The following CACNA1E variants were observed in gnomAD, a reference collection of about 807,000 sequenced individuals.
CACNA1E encodes the protein voltage-dependent R-type calcium channel subunit alpha-1E.
Under a neutral mutation model 259.2 loss-of-function variants are expected in CACNA1E, and 40 were observed. The observed-to-expected ratio is 0.15, with a 90% CI of 0.12 to 0.20. The LOEUF is 0.20. CACNA1E is among the 10% of genes least tolerant of loss of function. The pLI, the probability that CACNA1E is intolerant of heterozygous loss-of-function variation, is 1.00. For missense variants in CACNA1E, 1,874 were observed against 3,040.1 expected (o/e 0.62, Z 9.02); for synonymous variants, 1,104 against 1,138.5 (o/e 0.97, Z 0.61).
chr1:181,466,547 T>TAAACA (rs1553255429), intron 2 of CACNA1E, among the ~76,000 whole-genome samples: 91,179 of 151,004 alleles, frequency 0.6, 28,761 homozygotes, highest in East Asian at 0.83. Context: ...GACTCTGTCT[T>TAAACA]AAACAAAACA....
intron 6 of CACNA1E, among the ~76,000 whole-genome samples, chr1:181,583,470 G>A (rs1651759088): frequency 6.6e-6 from 1 of 152,140 alleles, no homozygotes; most frequent in South Asian, 2.1e-4. Flanking sequence ...ATTTATTGTT[G>A]TTAGTTACAT....
intron 1 of CACNA1E, among the ~76,000 whole-genome samples, chr1:181,326,987 G>A (rs568716110): frequency 6.6e-6 from 1 of 152,070 alleles, no homozygotes; most frequent in African/African-American, 2.4e-5. Context: ...ATCCCTTTGG[G>A]CTGTCCTGGG....
rs1662480981 is a variant in CACNA1E, at chr1:181,804,280, C to T, written c.*5446C>T. On this transcript the variant is annotated 3_prime_UTR_variant, in exon 48 of 48. Transcript: ENST00000367573. ...TCTGTTTCTCTTTAGGAAGTGATTG[C>T]CATCAAATTTAGTGATATGATATTT... The T allele has an allele frequency of 6.6e-6, 1 of 152,094 alleles. No homozygotes were observed. The highest frequency in any genetic ancestry group is 1.5e-5 in the Non-Finnish European group (1 of 68,020). 9.4% of individuals were successfully genotyped at this position (152,094 alleles called of 1,614,324 possible).
Position 181,717,247 on chromosome 1 carries a change from T to C in CACNA1E, c.1470T>C (p.Thr490=). The change falls in exon 11 of 48, where the codon ACT becomes ACC. Residue 490 remains threonine, a synonymous_variant. Coordinates refer to ENST00000367573, the MANE Select transcript of CACNA1E (RefSeq NM_001205293.3). ...WIVLSLVALN[T]ACVAIVHHNQ... ...TGCTGAGCCTTGTGGCACTCAACAC[T>C]GCCTGTGTGGCCATTGTCCATCACA... 4 of 1,613,994 alleles carry C rather than the reference T, an allele frequency of 2.5e-6. No individual in the cohort carries two copies. Among genetic ancestry groups the C allele is most frequent in the Non-Finnish European group, 3.4e-6 (4 of 1,179,898 alleles).
chr1:181,612,239 G>A (rs1389173991), intron 6 of CACNA1E, among the ~76,000 whole-genome samples: 2 of 152,262 alleles, frequency 1.3e-5, no homozygotes, highest in African/African-American at 2.4e-5. Flanking sequence ...TCTCTCTGGA[G>A]GGGAGCAGGC....
At position 181,796,806 on chromosome 1, in the gene CACNA1E, G is replaced by A. The variant is rs372520364; in HGVS notation, c.6347G>A (p.Arg2116His). Residue 2116 changes from arginine (R) to histidine (H), a missense_variant, in exon 47 of 48, where the codon CGC becomes CAC. By Grantham distance (29) the Arg-to-His change is conservative. Coordinates refer to ENST00000367573, the MANE Select transcript of CACNA1E (RefSeq NM_001205293.3). ...GTQADWESPERRQSRSPSEGR... is the reference protein window; with the variant it reads ...GTQADWESPEHRQSRSPSEGR... ...CAGGCTGACTGGGAGTCCCCAGAGCGCCGTCAATCCAGGTCACCCAGTGAG... is the reference window on the plus strand; with the variant it reads ...CAGGCTGACTGGGAGTCCCCAGAGCACCGTCAATCCAGGTCACCCAGTGAG... 701 of 1,610,132 alleles carry A rather than the reference G, an allele frequency of 4.4e-4. 4 individuals carry two copies. In the South Asian group the frequency reaches 6.8e-3, roughly 16 times the overall value.
intron 37 of CACNA1E, among the ~76,000 whole-genome samples, chr1:181,775,848 A>G (rs1009261774): frequency 3.3e-5 from 5 of 152,084 alleles, no homozygotes; most frequent in Non-Finnish European, 5.9e-5. Flanking sequence ...AGCCTAAAAT[A>G]TTTGCTATCT....
chr1:181,378,837 T>G (rs1655273381), intron 1 of CACNA1E, among the ~76,000 whole-genome samples: 1 of 152,102 alleles, frequency 6.6e-6, no homozygotes, highest in Non-Finnish European at 1.5e-5. Flanking sequence ...AAAACAAAAT[T>G]TAAAAACAAG....
At chr1:181,414,744 A>G (rs562082408) in intron 2 of CACNA1E, among the ~76,000 whole-genome samples, 1 of 152,378 alleles carries the variant, frequency 6.6e-6, no homozygotes, top group South Asian at 2.1e-4. Context: ...GGCACAGAGA[A>G]GTTAAGTGAC....
chr1:181,429,166 A>G (rs1314436760), intron 2 of CACNA1E, among the ~76,000 whole-genome samples: 1 of 152,178 alleles, frequency 6.6e-6, no homozygotes, highest in African/African-American at 2.4e-5. Context: ...TGGGCAACAG[A>G]GTGAGATTCC....
intron 1 of CACNA1E, among the ~76,000 whole-genome samples, chr1:181,390,645 A>G (rs922971872): frequency 1.3e-5 from 2 of 152,080 alleles, no homozygotes; most frequent in Non-Finnish European, 2.9e-5. Flanking sequence ...ACGAGGCTTG[A>G]GCCTGAAATC....
chr1:181,495,180 G>A (rs536165572), intron 1 of CACNA1E, among the ~76,000 whole-genome samples: 3 of 152,258 alleles, frequency 2.0e-5, no homozygotes, highest in Admixed American at 2.0e-4. Context: ...GAGTTGAAGG[G>A]ATATTAGATG....
intron 6 of CACNA1E, 32 bp downstream of exon 6, chr1:181,580,808 G>A (rs1651440271): frequency 6.2e-7 from 1 of 1,606,490 alleles, no homozygotes; most frequent in Admixed American, 1.7e-5. Flanking sequence ...CTGGAAGGAG[G>A]AGGGAAGAAC....
chr1:181,399,557 G>A (rs566628727), intron 1 of CACNA1E, among the ~76,000 whole-genome samples: 44 of 152,242 alleles, frequency 2.9e-4, no homozygotes, highest in African/African-American at 1.0e-3. Flanking sequence ...GAAAGAGGGT[G>A]GTAATGAAAT....
intron 3 of CACNA1E, among the ~76,000 whole-genome samples, chr1:181,549,809 G>A (rs1336229389): frequency 6.6e-6 from 1 of 152,252 alleles, no homozygotes; most frequent in African/African-American, 2.4e-5. Context: ...CGGCATGCAT[G>A]TCACGGCAAC....
chr1:181,489,978 G>C (rs1664173015), intron 1 of CACNA1E, among the ~76,000 whole-genome samples: 1 of 152,184 alleles, frequency 6.6e-6, no homozygotes, highest in Non-Finnish European at 1.5e-5. Flanking sequence ...CATCAGTCAT[G>C]TTTCCAGCAT....
At chr1:181,572,655 T>A (rs978068310) in intron 3 of CACNA1E, among the ~76,000 whole-genome samples, 14 of 152,194 alleles carry the variant, frequency 9.2e-5, no homozygotes, top group African/African-American at 3.4e-4. Context: ...AGCACAGATA[T>A]ATGCCTCTTG....
At chr1:181,577,622 A>T in intron 3 of CACNA1E, 144 bp from the exon 4 acceptor site, 10 of 515,294 alleles carry the variant, frequency 1.9e-5, no homozygotes, top group East Asian at 9.8e-5. Flanking sequence ...CTGGTGATTC[A>T]CCCAAGCTCA....
At chr1:181,425,309 C>T (rs1659085807) in intron 2 of CACNA1E, among the ~76,000 whole-genome samples, 1 of 152,016 alleles carries the variant, frequency 6.6e-6, no homozygotes, top group Admixed American at 6.5e-5. Context: ...CAGGGCCTTC[C>T]CCCTCCCTGA....
Sources: allele counts gnomAD v4.1 joint callset (sites outside exome capture counted in the v4.1 genomes callset), GRCh38; gene constraint gnomAD v4.1.1; transcripts MANE v1.5; gene names NCBI Gene and HGNC (gene_info 2026-07-23, HGNC 2026-07-21).